The following PTP4A3 variants were observed in gnomAD, a reference collection of about 807,000 sequenced individuals.
PTP4A3 encodes the protein protein tyrosine phosphatase type IVA 3.
In PTP4A3, 9 loss-of-function variants were observed where a neutral mutation model predicts 15.2. The ratio of observed to expected loss-of-function variants is 0.59; its 90% CI spans 0.36 to 1.03. PTP4A3 has a LOEUF of 1.03. Ranked by LOEUF, PTP4A3 falls within the 50% of genes least tolerant of loss-of-function variation. The pLI, the probability that PTP4A3 is intolerant of heterozygous loss-of-function variation, is 0.02. For synonymous variants in PTP4A3, 95 were observed against 102.0 expected (o/e 0.93, Z 0.41); for missense variants, 234 against 252.1 (o/e 0.93, Z 0.49).
intron 1 of PTP4A3, among the ~76,000 whole-genome samples, chr8:141,414,709 T>G (rs1178366067): frequency 6.9e-6 from 1 of 145,960 alleles, no homozygotes; most frequent in Non-Finnish European, 1.5e-5. Context: ...ATGGCGCAGC[T>G]GTCTTGGTGG....
chr8:141,392,796 G>T (rs896583719), intron 1 of PTP4A3, among the ~76,000 whole-genome samples: 1 of 152,210 alleles, frequency 6.6e-6, no homozygotes, highest in African/African-American at 2.4e-5. Flanking sequence ...CACCCTGCCG[G>T]TTCCCGGAGG....
rs929841580 is a variant in PTP4A3 at position 141,410,104 on chromosome 8, C to G, written c.-853-11284C>G. 5.3e-5 allele frequency among the ~76,000 whole-genome samples: 8 copies of G among 152,132 alleles called. No individual in the cohort carries two copies. In the South Asian group the frequency reaches 1.4e-3, roughly 28 times the overall value. On this transcript the variant is annotated intron_variant, in intron 1 of 5. Transcript: ENST00000521578. ...TGCGGACGGTCACCGCGGTCACAGC[C>G]CACATGGCCTGCCTGCCACCCCCTC...
At position 141,425,951 on chromosome 8, in the gene PTP4A3, C is replaced by G. The variant is rs1245557171; in HGVS notation, c.198+811C>G. On this transcript the variant is annotated intron_variant, in intron 3 of 5. Transcript: ENST00000521578. The surrounding 1 kb of genome is among the most constrained non-coding windows in gnomAD (Gnocchi z 4.2). ...ACTCCGAGCCTTGGGTTCCTCACCT[C>G]AAAGCGAGGCTGCTTGGAAGAATGG... Among the ~76,000 whole-genome samples the G allele has an allele frequency of 1.3e-5, 2 of 152,210 alleles. No homozygotes were observed. Among genetic ancestry groups the G allele is most frequent in the Non-Finnish European group, 2.9e-5 (2 of 68,018 alleles).
At chr8:141,428,687 T>C (rs979436769) in intron 5 of PTP4A3, among the ~76,000 whole-genome samples, 4 of 152,110 alleles carry the variant, frequency 2.6e-5, no homozygotes, top group African/African-American at 9.7e-5. Context: ...CTGCAGGTGC[T>C]CAGGTCTCCC....
At chr8:141,401,965 G>A (rs3935961) in intron 1 of PTP4A3, among the ~76,000 whole-genome samples, 1 of 152,068 alleles carries the variant, frequency 6.6e-6, no homozygotes, top group Non-Finnish European at 1.5e-5. Flanking sequence ...GCCCAGGGGG[G>A]CCCCGTGATG....
At position 141,426,965 on chromosome 8, in the gene PTP4A3, C is replaced by G; in HGVS notation, c.225C>G (p.Pro75=). ...VVDWPFDDGA[P]PPGKVVEDWL... ...ACTGGCCGTTTGACGATGGGGCGCC[C>G]CCGCCCGGCAAGGTAGTGGAAGACT... is the stretch of plus-strand genomic sequence containing the variant. The change falls in exon 4 of 6, where the codon CCC becomes CCG. Residue 75 remains proline (P), a synonymous_variant. Coordinates refer to ENST00000521578, the MANE Select transcript of PTP4A3 (RefSeq NM_032611.3). 1 of 1,610,544 alleles carries G rather than the reference C, an allele frequency of 6.2e-7. No homozygotes were observed. Among genetic ancestry groups the G allele is most frequent in the Non-Finnish European group, 8.5e-7 (1 of 1,179,864 alleles).
chr8:141,393,573 G>A (rs752615552), intron 1 of PTP4A3, among the ~76,000 whole-genome samples: 19 of 152,236 alleles, frequency 1.2e-4, no homozygotes, highest in African/African-American at 4.6e-4. Flanking sequence ...ACAGGCCCCC[G>A]CAGGCAGTCG....
intron 1 of PTP4A3, among the ~76,000 whole-genome samples, chr8:141,402,866 A>T (rs1006307908): frequency 1.3e-5 from 2 of 152,040 alleles, no homozygotes; most frequent in African/African-American, 4.8e-5. Flanking sequence ...AGAGGAAGTG[A>T]GCGTGAGAAC....
At chr8:141,399,699 A>G (rs1333986348) in intron 1 of PTP4A3, among the ~76,000 whole-genome samples, 1 of 152,154 alleles carries the variant, frequency 6.6e-6, no homozygotes, top group African/African-American at 2.4e-5. Flanking sequence ...GGTGACTGCA[A>G]TGGATGGACG....
chr8:141,392,721 C>T (rs569723285), intron 1 of PTP4A3: 28 of 152,416 alleles, frequency 1.8e-4, no homozygotes, highest in African/African-American at 6.7e-4. Flanking sequence ...TGACACGCCC[C>T]TGGGCAGCTG....
intron 5 of PTP4A3, 99 bp downstream of exon 5, chr8:141,427,923 T>C: frequency 8.5e-7 from 1 of 1,180,832 alleles, no homozygotes; most frequent in Non-Finnish European, 1.2e-6. Flanking sequence ...GTTCCGTCGC[T>C]CTGAGGCTGC....
intron 5 of PTP4A3, among the ~76,000 whole-genome samples, chr8:141,430,268 AG>A: frequency 1.4e-5 from 2 of 138,170 alleles, no homozygotes; most frequent in Non-Finnish European, 1.5e-5. Context: ...TGGTGGGGAC[AG>A]GGTGAGCACA....
intron 1 of PTP4A3, among the ~76,000 whole-genome samples, chr8:141,403,897 C>T (rs765817183): frequency 6.6e-6 from 1 of 152,258 alleles, no homozygotes; most frequent in Non-Finnish European, 1.5e-5. Flanking sequence ...TTTTATTTTG[C>T]AATAATTTTT....
At chr8:141,394,674 C>T (rs574516541) in intron 1 of PTP4A3, among the ~76,000 whole-genome samples, 1 of 152,336 alleles carries the variant, frequency 6.6e-6, no homozygotes, top group South Asian at 2.1e-4. Context: ...AGCTTGGTCA[C>T]ACGGGTGAAC....
intron 5 of PTP4A3, among the ~76,000 whole-genome samples, chr8:141,429,152 C>T (rs982876358): frequency 6.6e-6 from 1 of 152,246 alleles, no homozygotes; most frequent in African/African-American, 2.4e-5. Context: ...TTGGTGGGGG[C>T]CCTACCCGGA....
At position 141,420,369 on chromosome 8, in the gene PTP4A3, G is replaced by T. The variant is rs118173334; in HGVS notation, c.-853-1019G>T. Among the ~76,000 whole-genome samples, 88 of 152,286 alleles carry T rather than the reference G, an allele frequency of 5.8e-4. No homozygotes were observed. In the East Asian group the frequency reaches 0.014, roughly 24 times the overall value. Reference sequence around the variant, plus strand: ...GTGTCACCCCTCATCGTGCTCATGGGGTAACAAAGAGGCCGGCACCTTGCT... The same window carrying T: ...GTGTCACCCCTCATCGTGCTCATGGTGTAACAAAGAGGCCGGCACCTTGCT... On this transcript the variant is annotated intron_variant, in intron 1 of 5. Transcript: ENST00000521578.
chr8:141,426,361 C>T (rs757111657), intron 3 of PTP4A3: 11 of 881,756 alleles, frequency 1.2e-5, no homozygotes, highest in Non-Finnish European at 1.4e-5. Context: ...CTTCCAAGAC[C>T]AAATTAACCC....
chr8:141,392,746 G>C (rs1016883752), intron 1 of PTP4A3, among the ~76,000 whole-genome samples: 1 of 152,212 alleles, frequency 6.6e-6, no homozygotes, highest in African/African-American at 2.4e-5. Context: ...CCCAGGGGTG[G>C]GGTGGTGGCA....
chr8:141,421,223 A>G (rs1164319344), intron 1 of PTP4A3, among the ~76,000 whole-genome samples, 165 bp from the exon 2 acceptor site: 1 of 152,162 alleles, frequency 6.6e-6, no homozygotes, highest in Non-Finnish European at 1.5e-5. Context: ...GTGCTCCCAT[A>G]TAAGGAAATA....
Sources: allele counts gnomAD v4.1 joint callset (sites outside exome capture counted in the v4.1 genomes callset), GRCh38; gene constraint gnomAD v4.1.1; non-coding constraint Gnocchi (gnomAD v3.1); transcripts MANE v1.5; gene names NCBI Gene and HGNC (gene_info 2026-07-23, HGNC 2026-07-21).